ATXN7: variants seen among roughly 807,000 people sequenced by gnomAD.
ATXN7 encodes ataxin 7.
ATXN7 carries 12 observed loss-of-function variants against 70.5 expected under a neutral mutation model. The ratio of observed to expected loss-of-function variants is 0.17; its 90% confidence interval spans 0.11 to 0.28. ATXN7 has a LOEUF of 0.28. Among genes scored for constraint, ATXN7 ranks in the 10% least tolerant of loss-of-function variants. The pLI, the probability that ATXN7 is intolerant of heterozygous loss-of-function variation, is 1.00. For synonymous variants in ATXN7, 498 were observed against 448.7 expected, an observed-to-expected ratio of 1.11 and a Z score of -1.39; for missense variants, 1,256 against 1,131.7, an observed-to-expected ratio of 1.11 and a Z score of -1.58.
rs138904319 is a variant in ATXN7 at position 63,874,217 on chromosome 3, C to T, written c.-111+10059C>T. Among the ~76,000 whole-genome samples the T allele has an allele frequency of 5.4e-3, 830 of 152,322 alleles. 8 individuals carry two copies. The highest frequency in any genetic ancestry group is 0.019 in the African/African-American group (783 of 41,556). On this transcript the variant is annotated intron_variant, in intron 1 of 12. Coordinates refer to ENST00000674280, the MANE Select transcript of ATXN7 (RefSeq NM_001377405.1). ...ACAGAGTCACTATAAACATTTTTATCCAGTGCATAGTGATCCCCTTAGAAC... is the reference window on the plus strand; with the variant it reads ...ACAGAGTCACTATAAACATTTTTATTCAGTGCATAGTGATCCCCTTAGAAC...
At chr3:63,915,081 G>A (rs766509739) in intron 4 of ATXN7, among the ~76,000 whole-genome samples, 1 of 152,050 alleles carries the variant, frequency 6.6e-6, no homozygotes, top group Non-Finnish European at 1.5e-5. Context: ...GACTGCAGGC[G>A]GCGGGCCACC....
intron 4 of ATXN7, among the ~76,000 whole-genome samples, chr3:63,944,652 A>G (rs2074826594): frequency 6.6e-6 from 1 of 152,222 alleles, no homozygotes; most frequent in African/African-American, 2.4e-5. Flanking sequence ...AAGCAAAACC[A>G]TGAATAAGCG....
rs144823024 is a variant in ATXN7 at position 63,985,619 on chromosome 3, C to T, written c.1096-2440C>T. 5.9e-5 allele frequency among the ~76,000 whole-genome samples: 9 copies of T among 152,328 alleles called. No individual in the cohort carries two copies. The East Asian group carries it at 1.7e-3, about 29-fold the overall frequency. On this transcript the variant is annotated intron_variant, in intron 8 of 12. Coordinates refer to ENST00000674280, the MANE Select transcript of ATXN7 (RefSeq NM_001377405.1). ...TCTTAGACTTAGAACGTTATCTGTT[C>T]TCTTCACCGTCAGGGGATTTGCTGC...
intron 9 of ATXN7, among the ~76,000 whole-genome samples, chr3:63,989,760 C>T (rs770127874): frequency 4.6e-5 from 7 of 152,164 alleles, no homozygotes; most frequent in Non-Finnish European, 1.0e-4. Context: ...CCAGGAGGTC[C>T]TGGCCTCAAT....
At chr3:63,909,372 C>G (rs1208656737) in intron 2 of ATXN7, among the ~76,000 whole-genome samples, 1 of 152,104 alleles carries the variant, frequency 6.6e-6, no homozygotes, top group African/African-American at 2.4e-5. Flanking sequence ...TTGAGACCAG[C>G]CTGGGCAACA....
At chr3:63,983,317 C>T (rs950464130) in intron 8 of ATXN7, among the ~76,000 whole-genome samples, 5 of 152,144 alleles carry the variant, frequency 3.3e-5, no homozygotes, top group African/African-American at 7.2e-5. Context: ...TTAATATTTC[C>T]ATATAGGCTA....
chr3:63,914,619 C>T (rs551537091), intron 4 of ATXN7, among the ~76,000 whole-genome samples: 1 of 152,180 alleles, frequency 6.6e-6, no homozygotes, highest in African/African-American at 2.4e-5. Context: ...CTGACCTACT[C>T]TTGTTCTTAG....
chr3:63,975,979 T>C (rs1053468044), intron 5 of ATXN7, among the ~76,000 whole-genome samples: 1 of 152,222 alleles, frequency 6.6e-6, no homozygotes, highest in Non-Finnish European at 1.5e-5. Flanking sequence ...CATGCCCTCC[T>C]CATTCAGGGA....
chr3:63,952,860 T>TTTTTTTTTTTTTTTTTTTTTTTTTTG, intron 5 of ATXN7, among the ~76,000 whole-genome samples: 1 of 129,432 alleles, frequency 7.7e-6, no homozygotes, highest in Non-Finnish European at 1.6e-5. Context: ...TTTTTTTTTT[T>TTTTTTTTTTTTTTTTTTTTTTTTTTG]TTTTTTAAGG....
chr3:63,995,691 C>T lies in ATXN7; in HGVS notation c.1869C>T (p.Thr623=). The T allele has an allele frequency of 1.2e-6, 2 of 1,614,232 alleles. No homozygotes were observed. The highest frequency in any genetic ancestry group is 1.7e-6 in the Non-Finnish European group (2 of 1,180,038). Residue 623 remains threonine, a synonymous_variant, in exon 12 of 13, where the codon ACC becomes ACT. Coordinates refer to ENST00000674280, the MANE Select transcript of ATXN7 (RefSeq NM_001377405.1). ...GCAAATCGGTACCAGCTCATGGAAC[C>T]ACACTAAATGCACAGCCTGCTGCTT... is the stretch of plus-strand genomic sequence containing the variant. ...PNSKSVPAHG[T]TLNAQPAASG... is the part of the protein sequence containing the mutation.
chr3:63,946,634 C>G (rs2074868855), intron 4 of ATXN7, among the ~76,000 whole-genome samples: 1 of 143,968 alleles, frequency 6.9e-6, no homozygotes, highest in South Asian at 2.2e-4. Flanking sequence ...CAGAGCGAGA[C>G]TCTGTCTCAA....
chr3:63,928,161 C>T (rs1033105781), intron 4 of ATXN7, among the ~76,000 whole-genome samples: 8 of 152,136 alleles, frequency 5.3e-5, no homozygotes, highest in East Asian at 3.9e-4. Context: ...GAAGGCTGAG[C>T]GCAGTGGCTC....
chr3:63,976,000 T>C lies in ATXN7; in HGVS notation c.500-3915T>C, dbSNP rs371334855. 1.1e-4 allele frequency among the ~76,000 whole-genome samples: 17 copies of C among 152,340 alleles called. No individual in the cohort carries two copies. The East Asian group carries it at 3.3e-3, about 29-fold the overall frequency. The stretch of plus-strand genomic sequence containing the variant: ...CTCCTCATTCAGGGACAGAGTGTGC[T>C]TTCTCTGGGCTGGTGCCAGATCCTG... On this transcript the variant is annotated intron_variant, in intron 5 of 12. Coordinates refer to ENST00000674280, the MANE Select transcript of ATXN7 (RefSeq NM_001377405.1).
intron 5 of ATXN7, among the ~76,000 whole-genome samples, chr3:63,967,318 G>A (rs1311606172): frequency 6.6e-6 from 1 of 152,124 alleles, no homozygotes. Context: ...TTACAAATAT[G>A]CACAGAAAGT....
chr3:63,963,923 G>C (rs776470569), intron 5 of ATXN7, among the ~76,000 whole-genome samples: 2 of 152,126 alleles, frequency 1.3e-5, no homozygotes, highest in Admixed American at 1.3e-4. Context: ...GTTAATAGCT[G>C]CTGCTGGATT....
intron 11 of ATXN7, among the ~76,000 whole-genome samples, chr3:63,991,993 T>C (rs964774286): frequency 1.3e-5 from 2 of 152,172 alleles, no homozygotes; most frequent in Non-Finnish European, 2.9e-5. Context: ...AGAACTAGTA[T>C]TCGGTGGGAG....
rs1456966474 is a variant in ATXN7, at chr3:63,908,875, C to G, written c.-11-3713C>G. 2.0e-5 allele frequency among the ~76,000 whole-genome samples: 3 copies of G among 152,182 alleles called. No individual in the cohort carries two copies. In the East Asian group the frequency reaches 5.8e-4, roughly 29 times the overall value. ...CCTAAATTTGGGTGACGAGATAAGACCACATTTTAAATATGTCCTTGGAAG... is the reference window on the plus strand; with the variant it reads ...CCTAAATTTGGGTGACGAGATAAGAGCACATTTTAAATATGTCCTTGGAAG... On this transcript the variant is annotated intron_variant, in intron 2 of 12. Coordinates refer to ENST00000674280, the MANE Select transcript of ATXN7 (RefSeq NM_001377405.1).
intron 4 of ATXN7, among the ~76,000 whole-genome samples, chr3:63,920,218 C>T: frequency 6.6e-6 from 1 of 152,100 alleles, no homozygotes; most frequent in East Asian, 1.9e-4. Context: ...TTTCCATGTG[C>T]ACAGTAGGAT....
At chr3:63,971,922 TTTTTTGTTTTTG>T (rs545832733) in intron 5 of ATXN7, among the ~76,000 whole-genome samples, 1 of 152,182 alleles carries the variant, frequency 6.6e-6, no homozygotes, top group Non-Finnish European at 1.5e-5. Flanking sequence ...GTGCTGAGTT[TTTTTTGTTTTTG>T]TTTTTGTTTT....
Sources: allele counts gnomAD v4.1 joint callset (sites outside exome capture counted in the v4.1 genomes callset), GRCh38; gene constraint gnomAD v4.1.1; transcripts MANE v1.5; gene names NCBI Gene and HGNC (gene_info 2026-07-23, HGNC 2026-07-21).